Variants in DMD observed in about 807,000 individuals in gnomAD.
DMD encodes mutant dystrophin.
Under a neutral mutation model 330.1 loss-of-function variants are expected in DMD, and 63 were observed. The observed-to-expected ratio is 0.19, with a 90% CI of 0.16 to 0.24. The LOEUF is 0.24. Ranked by LOEUF, DMD falls within the 10% of genes least tolerant of loss-of-function variation. The pLI is 1.00. For synonymous variants in DMD, 1,223 were observed against 959.8 expected (o/e 1.27, Z -5.07); for missense variants, 3,344 against 2,684.1 (o/e 1.25, Z -5.43).
chrX:31,929,218 A>G (rs1318726029), intron 47 of DMD, among the ~76,000 whole-genome samples: 1 of 111,905 alleles, frequency 8.9e-6, no homozygotes, highest in East Asian at 2.8e-4. Context: ...AGGTGTGAAT[A>G]ATTAATTTTG....
intron 15 of DMD, among the ~76,000 whole-genome samples, chrX:32,571,149 G>A (rs2052372963): frequency 8.9e-6 from 1 of 111,754 alleles, no homozygotes; most frequent in African/African-American, 3.2e-5. Flanking sequence ...TGAAGCACAT[G>A]ATTCTGTATT....
rs72468693 is a variant in DMD, at chrX:32,565,949, G to A, written c.1813-68C>T. ...TCCATACACCACTATAGTTCAATCT[G>A]CTTTTGCGTGTATTTGCTCATTTGC... On this transcript the variant is annotated intron_variant, in intron 15 of 78. Transcript: ENST00000357033. 1,664 of 967,011 alleles carry A rather than the reference G, an allele frequency of 1.7e-3. 13 individuals are homozygous for A. In the African/African-American group the frequency reaches 0.029, roughly 17 times the overall value. The allele number at this position is 967,011 out of a possible 1,213,427, so 79.7% of individuals were successfully genotyped here. A position where few individuals can be genotyped will look rare whatever the true frequency, so the allele number is the denominator to read the frequency against.
In DMD at chrX:31,528,952, A is replaced by G. The variant is rs914812653; in HGVS notation, c.8218-21499T>C. ...TTGAGATCAGCCTGGGCAATGTAGC[A>G]TGACTCTTATCTCTACAATATGTTT... On this transcript the variant is annotated intron_variant, in intron 55 of 78. Coordinates refer to ENST00000357033, the MANE Select transcript of DMD (RefSeq NM_004006.3). Among the ~76,000 whole-genome samples, 12 of 111,466 alleles carry G rather than the reference A, an allele frequency of 1.1e-4. No homozygotes were observed. The Admixed American group carries it at 1.1e-3, about 11-fold the overall frequency.
At chrX:31,662,302 T>G (rs1232858511) in intron 53 of DMD, among the ~76,000 whole-genome samples, 2 of 111,451 alleles carry the variant, frequency 1.8e-5, no homozygotes, top group Non-Finnish European at 3.8e-5. Flanking sequence ...AGCATCAGCA[T>G]CATCATCATC....
chrX:32,222,842 A>T (rs1412357205), intron 43 of DMD, among the ~76,000 whole-genome samples: 2 of 112,035 alleles, frequency 1.8e-5, no homozygotes. Context: ...CTGCTGATGA[A>T]ATCTGAATCA....
chrX:32,891,413 A>C (rs1397419728), intron 2 of DMD, among the ~76,000 whole-genome samples: 2 of 112,542 alleles, frequency 1.8e-5, no homozygotes, highest in Non-Finnish European at 3.7e-5. Flanking sequence ...AACTTATGAC[A>C]ACAGTCCAAG....
intron 67 of DMD, among the ~76,000 whole-genome samples, chrX:31,199,365 T>C (rs2043217008): frequency 8.9e-6 from 1 of 112,620 alleles, no homozygotes; most frequent in South Asian, 3.6e-4. Flanking sequence ...TGTGGAAACA[T>C]ATCCTGTTGC....
intron 41 of DMD, among the ~76,000 whole-genome samples, chrX:32,312,579 T>C (rs1385269894): frequency 9.0e-6 from 1 of 110,553 alleles, no homozygotes; most frequent in African/African-American, 3.3e-5. Context: ...TTTGACTATT[T>C]TGGTATTTGC....
chrX:31,773,808 A>G (rs2149243940), intron 51 of DMD, 152 bp downstream of exon 51: 2 of 438,783 alleles, frequency 4.6e-6, no homozygotes, highest in East Asian at 8.1e-5. Flanking sequence ...CCTTGATTAT[A>G]CTTAGGCTGA....
At chrX:33,308,500 C>T (rs778724587) in intron 1 of DMD, among the ~76,000 whole-genome samples, 1 of 111,325 alleles carries the variant, frequency 9.0e-6, no homozygotes, top group South Asian at 3.8e-4. Context: ...TTTTGAAAAT[C>T]CTTTTTAAAG....
At chrX:32,268,820 G>C (rs777760437) in intron 43 of DMD, among the ~76,000 whole-genome samples, 2 of 110,905 alleles carry the variant, frequency 1.8e-5, no homozygotes, top group South Asian at 7.6e-4. Context: ...TTGTAATAGA[G>C]AGTGAGTGTA....
intron 30 of DMD, among the ~76,000 whole-genome samples, chrX:32,405,035 A>G (rs947659880): frequency 2.9e-4 from 32 of 111,955 alleles, no homozygotes; most frequent in African/African-American, 9.4e-4. Flanking sequence ...TGAAACGTTG[A>G]CACAGTCATA....
intron 1 of DMD, among the ~76,000 whole-genome samples, chrX:33,320,685 G>T (rs1248995258): frequency 2.7e-5 from 3 of 111,920 alleles, no homozygotes; most frequent in African/African-American, 9.8e-5. Context: ...GAATTTTGCT[G>T]CATCAATTGA....
At chrX:32,913,463 T>C (rs1246199690) in intron 2 of DMD, among the ~76,000 whole-genome samples, 2 of 111,764 alleles carry the variant, frequency 1.8e-5, no homozygotes, top group African/African-American at 6.5e-5. Context: ...ACCTGAAAAA[T>C]GAAATACTAC....
chrX:32,341,390 G>T (rs966639861), intron 41 of DMD, among the ~76,000 whole-genome samples: 2 of 111,993 alleles, frequency 1.8e-5, no homozygotes, highest in Admixed American at 1.9e-4. Context: ...ATAAAGAAGT[G>T]AGACCAAGCT....
chrX:31,462,911 GC>G (rs1414098362), intron 59 of DMD, among the ~76,000 whole-genome samples: 3 of 111,810 alleles, frequency 2.7e-5, no homozygotes, highest in African/African-American at 9.8e-5. Flanking sequence ...AAAAGATAAA[GC>G]CTGCAAAAAC....
chrX:33,140,867 T>C, intron 1 of DMD, among the ~76,000 whole-genome samples: 1 of 112,025 alleles, frequency 8.9e-6, no homozygotes, highest in East Asian at 2.8e-4. Flanking sequence ...AGCCGTGGCA[T>C]ACAGATTAAG....
intron 58 of DMD, 143 bp from the exon 59 acceptor site, chrX:31,478,517 A>G (rs963061346): frequency 1.2e-5 from 9 of 756,577 alleles, no homozygotes; most frequent in Middle Eastern, 4.5e-4. Flanking sequence ...TTTGGCATAA[A>G]TTTTGATACA....
rs182167170 is a variant in DMD, at chrX:31,672,670, G to A, written c.7872+6705C>T. Among the ~76,000 whole-genome samples the A allele has an allele frequency of 4.5e-5, 5 of 111,448 alleles. No individual in the cohort carries two copies. In the East Asian group the frequency reaches 1.1e-3, roughly 25 times the overall value. ...CTTTCTTTTGCAGCTTGAATCTGAC[G>A]TCAAGTGAAAATTTAATTTTAGTTA... On this transcript the variant is annotated intron_variant, in intron 53 of 78. Coordinates refer to ENST00000357033, the MANE Select transcript of DMD (RefSeq NM_004006.3).
Sources: gnomAD v4.1 joint callset for allele counts (sites outside exome capture counted in the v4.1 genomes callset) on GRCh38, gnomAD v4.1.1 for gene constraint, MANE v1.5 for transcripts, NCBI Gene and HGNC (gene_info 2026-07-23, HGNC 2026-07-21) for gene names.